CLVS2: variants seen among roughly 807,000 people sequenced by gnomAD.
CLVS2 encodes clavesin-2.
A neutral mutation model predicts 29.0 loss-of-function variants in CLVS2; 19 were observed. The observed-to-expected ratio is 0.66, with a 90% CI of 0.46 to 0.96. CLVS2 has a LOEUF of 0.96. Among genes scored for constraint, CLVS2 ranks in the 40% least tolerant of loss-of-function variants. The probability of loss-of-function intolerance (pLI) is 0.00; values close to 1 mark genes in which losing one functional copy is unlikely to be tolerated. For synonymous variants in CLVS2, 161 were observed against 151.3 expected (o/e 1.06, Z -0.47); for missense variants, 294 against 404.1 (o/e 0.73, Z 2.34).
chr6:123,034,734 T>C (rs756443349), intron 3 of CLVS2, among the ~76,000 whole-genome samples: 6 of 152,142 alleles, frequency 3.9e-5, no homozygotes, highest in Non-Finnish European at 7.4e-5. Context: ...CTTGCAAAAT[T>C]GGTGGCATAT....
chr6:123,022,139 T>A (rs184056601), intron 3 of CLVS2, among the ~76,000 whole-genome samples: 24 of 152,214 alleles, frequency 1.6e-4, no homozygotes, highest in African/African-American at 5.3e-4. Context: ...TTATATATAA[T>A]GTTTAGGCAT....
At chr6:123,027,494 C>G (rs777649602) in intron 3 of CLVS2, among the ~76,000 whole-genome samples, 35 of 152,162 alleles carry the variant, frequency 2.3e-4, no homozygotes, top group Non-Finnish European at 4.9e-4. Context: ...TCATTTAAAT[C>G]TGTTTCATCT....
chr6:123,025,749 C>T (rs1774991764), intron 3 of CLVS2, among the ~76,000 whole-genome samples: 1 of 152,164 alleles, frequency 6.6e-6, no homozygotes, highest in Non-Finnish European at 1.5e-5. Context: ...TACCCATTTC[C>T]TCCATCATGG....
Position 123,069,638 on chromosome 6 carries a change from C to T in CLVS2, c.*5877C>T, listed in dbSNP as rs1329823875. ...AGGCCAGGAGAAGCCACATTTCCAG[C>T]AGTAGTATCCTCAGTGGGAATGAAC... On this transcript the variant is annotated 3_prime_UTR_variant, in exon 6 of 6. Transcript: ENST00000275162. 1.3e-5 allele frequency: 2 copies of T among 151,788 alleles called. No individual in the cohort carries two copies. Among genetic ancestry groups the T allele is most frequent in the Admixed American group, 6.6e-5 (1 of 15,186 alleles). The allele number at this position is 151,788 out of a possible 1,614,324, so 9.4% of individuals were successfully genotyped here. A position where few individuals can be genotyped will look rare whatever the true frequency, so the allele number is the denominator to read the frequency against.
At chr6:123,008,516 AT>A (rs772163826) in intron 2 of CLVS2, among the ~76,000 whole-genome samples, 4 of 152,098 alleles carry the variant, frequency 2.6e-5, no homozygotes, top group Non-Finnish European at 4.4e-5. Flanking sequence ...TCCAAAGCTG[AT>A]TTCAAATTTA....
chr6:123,010,971 T>C lies in CLVS2; in HGVS notation c.390-14T>C. 2 of 1,445,672 alleles carry C rather than the reference T, an allele frequency of 1.4e-6. No individual in the cohort carries two copies. The highest frequency in any genetic ancestry group is 1.5e-5 in the South Asian group (1 of 64,592). The allele number at this position is 1,445,672 out of a possible 1,614,324, so 89.6% of individuals were successfully genotyped here. ...GTTGTCAGACCTAATTTAGTACTTT[T>C]CTGTCGCCGATAGGTACACACTGGT... On this transcript the variant is annotated splice_polypyrimidine_tract_variant and intron_variant, in intron 2 of 5. Transcript: ENST00000275162.
chr6:123,020,263 G>C (rs576971655), intron 3 of CLVS2, among the ~76,000 whole-genome samples: 2 of 152,146 alleles, frequency 1.3e-5, no homozygotes, highest in East Asian at 3.9e-4. Flanking sequence ...CTTACCAGTA[G>C]AGTATCCCAG....
intron 3 of CLVS2, among the ~76,000 whole-genome samples, chr6:123,021,970 T>G (rs1774930997): frequency 6.6e-6 from 1 of 152,090 alleles, no homozygotes; most frequent in South Asian, 2.1e-4. Context: ...TTAGTCTTTG[T>G]GTGCCCATAG....
At chr6:123,026,413 A>G (rs1775002019) in intron 3 of CLVS2, among the ~76,000 whole-genome samples, 1 of 152,190 alleles carries the variant, frequency 6.6e-6, no homozygotes, top group African/African-American at 2.4e-5. Context: ...TAAATATACA[A>G]TGCATTATGT....
intron 3 of CLVS2, among the ~76,000 whole-genome samples, chr6:123,048,370 C>A (rs560533090): frequency 9.2e-5 from 14 of 151,968 alleles, no homozygotes; most frequent in Admixed American, 9.2e-4. Flanking sequence ...AAACTACGAC[C>A]CTCTTAAAAA....
chr6:123,016,444 A>G (rs1398301406), intron 3 of CLVS2, among the ~76,000 whole-genome samples: 4 of 151,826 alleles, frequency 2.6e-5, no homozygotes, highest in East Asian at 1.9e-4. Context: ...CTCCCAATTT[A>G]TAGATGATTT....
intron 3 of CLVS2, among the ~76,000 whole-genome samples, chr6:123,025,241 C>T (rs567126020): frequency 2.0e-5 from 3 of 152,160 alleles, no homozygotes; most frequent in East Asian, 1.9e-4. Context: ...TTATTAAGCA[C>T]GCCTTACCCC....
intron 3 of CLVS2, among the ~76,000 whole-genome samples, chr6:123,034,613 C>G (rs1009586897): frequency 5.9e-5 from 9 of 152,180 alleles, no homozygotes; most frequent in African/African-American, 2.2e-4. Context: ...CATGAAGCAG[C>G]CCTGTGGTGA....
chr6:123,006,640 C>T (rs1479846088), intron 2 of CLVS2, among the ~76,000 whole-genome samples: 1 of 152,082 alleles, frequency 6.6e-6, no homozygotes, highest in Non-Finnish European at 1.5e-5. Flanking sequence ...AATGATTCTT[C>T]ATTAATTGAT....
intron 1 of CLVS2, 115 bp from the exon 2 acceptor site, chr6:122,997,104 T>G (rs945932821): frequency 2.6e-5 from 4 of 155,754 alleles, no homozygotes; most frequent in Non-Finnish European, 5.9e-5. Context: ...CACAATAATC[T>G]TAAATAAATC....
chr6:123,048,826 A>G, intron 4 of CLVS2, 94 bp downstream of exon 4: 2 of 786,934 alleles, frequency 2.5e-6, no homozygotes, highest in South Asian at 3.2e-5. Flanking sequence ...AGTAAAATGT[A>G]CTTCTACATT....
rs1418738535 is a variant in CLVS2 at position 123,067,749 on chromosome 6, A to C, written c.*3988A>C. The C allele has an allele frequency of 6.6e-6, 1 of 151,822 alleles. No homozygotes were observed. Among genetic ancestry groups the C allele is most frequent in the Non-Finnish European group, 1.5e-5 (1 of 67,754 alleles). The allele number at this position is 151,822 out of a possible 1,614,324, so 9.4% of individuals were successfully genotyped here. The stretch of plus-strand genomic sequence containing the variant: ...TTTGAAATTTGTGAGGTCACTGATC[A>C]TACAAGAAGAGGCAGATTATAAACC... On this transcript the variant is annotated 3_prime_UTR_variant, in exon 6 of 6. Transcript: ENST00000275162.
intron 3 of CLVS2, among the ~76,000 whole-genome samples, chr6:123,019,322 G>T (rs537282995): frequency 2.6e-5 from 4 of 152,180 alleles, no homozygotes; most frequent in African/African-American, 7.2e-5. Context: ...AGTTGGCACT[G>T]TAAGGGGTGT....
intron 2 of CLVS2, among the ~76,000 whole-genome samples, chr6:123,002,102 T>C (rs892511720): frequency 6.6e-6 from 1 of 152,224 alleles, no homozygotes; most frequent in Non-Finnish European, 1.5e-5. Flanking sequence ...AACTTTAGTA[T>C]AGCAAACAAC....
Sources: gnomAD v4.1 joint callset for allele counts (sites outside exome capture counted in the v4.1 genomes callset) on GRCh38, gnomAD v4.1.1 for gene constraint, MANE v1.5 for transcripts, NCBI Gene and HGNC (gene_info 2026-07-23, HGNC 2026-07-21) for gene names.